PLEKHA3: variants seen among roughly 807,000 people sequenced by gnomAD.
The protein encoded by PLEKHA3 is pleckstrin homology domain-containing family A member 3.
A neutral mutation model predicts 39.2 loss-of-function variants in PLEKHA3; 19 were observed. The observed-to-expected ratio is 0.48, with a 90% CI of 0.34 to 0.71. PLEKHA3 has a LOEUF of 0.71. Among genes scored for constraint, PLEKHA3 ranks in the 30% least tolerant of loss-of-function variants. The pLI is 0.01. For synonymous variants in PLEKHA3, 97 were observed against 118.6 expected, an observed-to-expected ratio of 0.82 and a Z score of 1.18; for missense variants, 253 against 359.5, an observed-to-expected ratio of 0.70 and a Z score of 2.40.
rs935055187 is a variant in PLEKHA3, at chr2:178,507,164, T to C, written c.*3277T>C. The C allele has an allele frequency of 5.3e-5, 8 of 152,336 alleles. No individual in the cohort carries two copies. Among genetic ancestry groups the C allele is most frequent in the South Asian group, 2.1e-4 (1 of 4,832 alleles). The allele number at this position is 152,336 out of a possible 1,614,324, so 9.4% of individuals were successfully genotyped here. ...TGTTATACTACTTTTTGTTGACTTA[T>C]CAATTTCAGAAACAGTTTCTCGAAT... On this transcript the variant is annotated 3_prime_UTR_variant, in exon 8 of 8. Transcript: ENST00000234453.
intron 7 of PLEKHA3, among the ~76,000 whole-genome samples, chr2:178,502,056 A>G (rs901580376): frequency 1.3e-5 from 2 of 151,976 alleles, no homozygotes; most frequent in Admixed American, 6.6e-5. Flanking sequence ...AATTCATAGT[A>G]TGGCTGAAAT....
chr2:178,483,543 C>A (rs1037168873), intron 1 of PLEKHA3, among the ~76,000 whole-genome samples: 1 of 152,086 alleles, frequency 6.6e-6, no homozygotes, highest in Admixed American at 6.5e-5. Context: ...CTAAATGAAT[C>A]ATTTTGCCCA....
intron 1 of PLEKHA3, among the ~76,000 whole-genome samples, chr2:178,482,356 G>A (rs1685180563): frequency 6.6e-6 from 1 of 151,750 alleles, no homozygotes; most frequent in South Asian, 2.1e-4. Flanking sequence ...GGGAGACGTG[G>A]TCTCTACTAA....
chr2:178,498,891 T>C (rs1685487745), intron 5 of PLEKHA3, among the ~76,000 whole-genome samples: 2 of 152,100 alleles, frequency 1.3e-5, no homozygotes, highest in Non-Finnish European at 2.9e-5. Context: ...TATTTATAGT[T>C]ATATACCCTG....
At chr2:178,501,928 G>C (rs749437773) in intron 7 of PLEKHA3, among the ~76,000 whole-genome samples, 1 of 151,954 alleles carries the variant, frequency 6.6e-6, no homozygotes, top group Non-Finnish European at 1.5e-5. Context: ...TGTTCCAATA[G>C]TTAGTTCATT....
chr2:178,511,409 T>G lies in PLEKHA3; in HGVS notation c.*7522T>G, dbSNP rs1457694972. On this transcript the variant is annotated 3_prime_UTR_variant, in exon 8 of 8. Coordinates refer to ENST00000234453, the MANE Select transcript of PLEKHA3 (RefSeq NM_019091.4). The stretch of plus-strand genomic sequence containing the variant: ...TTTTTTTTGAGACAGAGTCTCACTC[T>G]GTAGCCCAAGTTAGAGTGCAGTGAC... 6.6e-6 allele frequency: 1 copy of G among 150,790 alleles called. No individual in the cohort carries two copies. Among genetic ancestry groups the G allele is most frequent in the Admixed American group, 6.7e-5 (1 of 15,036 alleles). The allele number at this position is 150,790 out of a possible 1,614,324, so 9.3% of individuals were successfully genotyped here. A position where few individuals can be genotyped will look rare whatever the true frequency, so the allele number is the denominator to read the frequency against.
rs1206710234 is a variant in PLEKHA3 at position 178,507,604 on chromosome 2, T to C, written c.*3717T>C. ...TTGTACTGTTGCCCTCCAGGCCTGT[T>C]CTATGGTTCAGCAGTCATTCTGAAA... is the stretch of plus-strand genomic sequence containing the variant. On this transcript the variant is annotated 3_prime_UTR_variant, in exon 8 of 8. Coordinates refer to ENST00000234453, the MANE Select transcript of PLEKHA3 (RefSeq NM_019091.4). The C allele has an allele frequency of 6.6e-6, 1 of 151,392 alleles. No individual in the cohort carries two copies. Among genetic ancestry groups the C allele is most frequent in the African/African-American group, 2.4e-5 (1 of 41,126 alleles). The allele number at this position is 151,392 out of a possible 1,614,324, so 9.4% of individuals were successfully genotyped here. A position where few individuals can be genotyped will look rare whatever the true frequency, so the allele number is the denominator to read the frequency against.
rs1033010128 is a variant in PLEKHA3, at chr2:178,510,535, C to G, written c.*6648C>G. On this transcript the variant is annotated 3_prime_UTR_variant, in exon 8 of 8. Transcript: ENST00000234453. ...GTGTTTAGGTCATGTGGGTACCACC[C>G]TCATGAATAGATTAATGCCGCCGTG... The G allele has an allele frequency of 2.0e-5, 3 of 153,694 alleles. No individual in the cohort carries two copies. The highest frequency in any genetic ancestry group is 6.5e-5 in the Admixed American group (1 of 15,268). The allele number at this position is 153,694 out of a possible 1,614,324, so 9.5% of individuals were successfully genotyped here. A position where few individuals can be genotyped will look rare whatever the true frequency, so the allele number is the denominator to read the frequency against.
chr2:178,497,331 T>G (rs538243213), intron 5 of PLEKHA3, among the ~76,000 whole-genome samples: 1 of 151,900 alleles, frequency 6.6e-6, no homozygotes, highest in Non-Finnish European at 1.5e-5. Flanking sequence ...CCTGGGTTCA[T>G]GCCATTCTCC....
chr2:178,513,602 A>C lies in PLEKHA3; in HGVS notation c.*9715A>C, dbSNP rs1473894062. The stretch of plus-strand genomic sequence containing the variant: ...TGCCTGTGTCTCTATCTGTGCATGC[A>C]TCTGTATGCACAGTTTCTTAGTTGT... On this transcript the variant is annotated 3_prime_UTR_variant, in exon 8 of 8. Transcript: ENST00000234453. 3.9e-5 allele frequency: 6 copies of C among 152,210 alleles called. No homozygotes were observed. The highest frequency in any genetic ancestry group is 1.4e-4 in the African/African-American group (6 of 41,462). The allele number at this position is 152,210 out of a possible 1,614,324, so 9.4% of individuals were successfully genotyped here.
At chr2:178,499,288 C>T in intron 6 of PLEKHA3, 34 bp downstream of exon 6, 1 of 1,600,866 alleles carries the variant, frequency 6.2e-7, no homozygotes, top group Non-Finnish European at 8.5e-7. Flanking sequence ...TAAGTTCTCT[C>T]AAATTATATC....
rs746143279 is a variant in PLEKHA3 at position 178,503,871 on chromosome 2, C to T, written c.887C>T (p.Pro296Leu). 3.1e-6 allele frequency: 5 copies of T among 1,611,394 alleles called. No homozygotes were observed. The highest frequency in any genetic ancestry group is 1.7e-5 in the Admixed American group (1 of 59,906). ...CAATCTGAATCAGAAGATACTCTTC[C>T]ATCCTTCTCTTCCTGAAGAAACTGA... ...KKQSESEDTL[P>L]SFSS is the part of the protein sequence containing the mutation. The change falls in exon 8 of 8, where the codon CCA (proline) becomes CTA (leucine). Residue 296 changes from proline to leucine, a missense_variant. Pro to Leu is a moderately conservative substitution (Grantham distance 98, BLOSUM62 -3). Coordinates refer to ENST00000234453, the MANE Select transcript of PLEKHA3 (RefSeq NM_019091.4).
intron 1 of PLEKHA3, among the ~76,000 whole-genome samples, chr2:178,485,248 C>A (rs1685230760): frequency 6.6e-6 from 1 of 152,158 alleles, no homozygotes; most frequent in South Asian, 2.1e-4. Context: ...ATAGGTAAGG[C>A]TAGAACCCTT....
In PLEKHA3 at chr2:178,515,069, A is replaced by G. The variant is rs1432940210; in HGVS notation, c.*11182A>G. 2 of 115,870 alleles carry G rather than the reference A, an allele frequency of 1.7e-5. No homozygotes were observed. Among genetic ancestry groups the G allele is most frequent in the Non-Finnish European group, 3.5e-5 (2 of 57,570 alleles). The allele number at this position is 115,870 out of a possible 1,614,324, so 7.2% of individuals were successfully genotyped here. A position where few individuals can be genotyped will look rare whatever the true frequency, so the allele number is the denominator to read the frequency against. On this transcript the variant is annotated 3_prime_UTR_variant, in exon 8 of 8. Coordinates refer to ENST00000234453, the MANE Select transcript of PLEKHA3 (RefSeq NM_019091.4). ...TTTTTTTTTTTTTTTTTTGTAGCAT[A>G]TGGCTTCCTCTACTGTATGTTGGCA...
rs1443326374 is a variant in PLEKHA3 at position 178,480,598 on chromosome 2, G to C, written c.-272G>C. 3.5e-6 allele frequency: 1 copy of C among 282,024 alleles called. No homozygotes were observed. The highest frequency in any genetic ancestry group is 6.6e-6 in the Non-Finnish European group (1 of 151,690). The allele number at this position is 282,024 out of a possible 1,614,324, so 17.5% of individuals were successfully genotyped here. A position where few individuals can be genotyped will look rare whatever the true frequency, so the allele number is the denominator to read the frequency against. On this transcript the variant is annotated 5_prime_UTR_variant, in exon 1 of 8. Transcript: ENST00000234453. ...GAAGCGCGAGCAGGAGGCCGGTCGC[G>C]GGCGCATTTTTGCCGTTGTCGCGGC...
chr2:178,485,801 C>A, intron 2 of PLEKHA3, 44 bp downstream of exon 2: 2 of 1,438,848 alleles, frequency 1.4e-6, no homozygotes, highest in South Asian at 1.1e-5. Flanking sequence ...GTTAGATAGT[C>A]AAGGGTTCTT....
rs1257226617 is a variant in PLEKHA3 at position 178,505,164 on chromosome 2, C to T, written c.*1277C>T. 6.6e-6 allele frequency: 1 copy of T among 152,200 alleles called. No homozygotes were observed. The highest frequency in any genetic ancestry group is 1.5e-5 in the Non-Finnish European group (1 of 67,838). 9.4% of individuals were successfully genotyped at this position (152,200 alleles called of 1,614,324 possible). On this transcript the variant is annotated 3_prime_UTR_variant, in exon 8 of 8. Coordinates refer to ENST00000234453, the MANE Select transcript of PLEKHA3 (RefSeq NM_019091.4). ...TTTGAGTTTGTTTGTATATTTAGGC[C>T]TGCTGGTGAAGACACAAATGAAGCA...
rs947161014 is a variant in PLEKHA3, at chr2:178,507,920, T to C, written c.*4033T>C. ...TTACCTGGGATCTGTTTTTACACTC[T>C]GTAAGCTTTTAGGAACTTCTCATTA... On this transcript the variant is annotated 3_prime_UTR_variant, in exon 8 of 8. Coordinates refer to ENST00000234453, the MANE Select transcript of PLEKHA3 (RefSeq NM_019091.4). The C allele has an allele frequency of 1.3e-5, 2 of 153,554 alleles. No individual in the cohort carries two copies. The highest frequency in any genetic ancestry group is 4.8e-5 in the African/African-American group (2 of 41,416). The allele number at this position is 153,554 out of a possible 1,614,324, so 9.5% of individuals were successfully genotyped here.
chr2:178,495,794 T>C (rs1010433424), intron 5 of PLEKHA3, 134 bp downstream of exon 5: 9 of 948,808 alleles, frequency 9.5e-6, no homozygotes, highest in African/African-American at 1.7e-5. Context: ...TTGAATTTTT[T>C]TGTTTGTACT....
Sources: allele counts gnomAD v4.1 joint callset (sites outside exome capture counted in the v4.1 genomes callset), GRCh38; gene constraint gnomAD v4.1.1; transcripts MANE v1.5; gene names NCBI Gene and HGNC (gene_info 2026-07-23, HGNC 2026-07-21).